The following PANK4 variants were observed in gnomAD, a reference collection of about 807,000 sequenced individuals.
The protein encoded by PANK4 is 4'-phosphopantetheine phosphatase.
A neutral mutation model predicts 87.9 loss-of-function variants in PANK4; 40 were observed. The observed-to-expected ratio is 0.46, with a 90% CI of 0.35 to 0.59. PANK4 has a LOEUF of 0.59. Ranked by LOEUF, PANK4 falls within the 20% of genes least tolerant of loss-of-function variation. PANK4 has a pLI of 0.00. For missense variants in PANK4, 926 were observed against 1,072.3 expected (o/e 0.86, Z 1.90); for synonymous variants, 524 against 467.4 (o/e 1.12, Z -1.56).
Position 2,515,108 on chromosome 1 carries a change from G to C in PANK4, c.1374+454C>G, listed in dbSNP as rs1187731367. The C allele has an allele frequency of 2.8e-6, 1 of 359,748 alleles. No individual in the cohort carries two copies. Among genetic ancestry groups the C allele is most frequent in the East Asian group, 7.4e-5 (1 of 13,554 alleles). 22.3% of individuals were successfully genotyped at this position (359,748 alleles called of 1,614,324 possible). On this transcript the variant is annotated intron_variant, in intron 10 of 18. Coordinates refer to ENST00000378466, the MANE Select transcript of PANK4 (RefSeq NM_018216.4). This position sits in a 1 kb window ranked among gnomAD's most constrained non-coding sequence, Gnocchi z 5.0. ...CTCCTGAGGGGCAGCGTGGCCCAGG[G>C]CCTGGCATTTGCTCCACGGGACCAG...
At chr1:2,517,486 C>T (rs943999829) in intron 9 of PANK4, among the ~76,000 whole-genome samples, 1 of 152,238 alleles carries the variant, frequency 6.6e-6, no homozygotes, top group Non-Finnish European at 1.5e-5. Flanking sequence ...AGGAATGAGC[C>T]CCGCGGGGGG....
At chr1:2,514,192 C>T (rs1643716043) in intron 11 of PANK4, 103 bp from the exon 12 acceptor site, 2 of 1,187,686 alleles carry the variant, frequency 1.7e-6, no homozygotes, top group Non-Finnish European at 2.5e-6. Flanking sequence ...CCCGGCAGTG[C>T]AAACGCTGCT....
rs1643640501 is a variant in PANK4, at chr1:2,510,356, CAGAGCTGAGTTT to C, written c.1939-211_1939-200del. On this transcript the variant is annotated intron_variant, in intron 16 of 18. Transcript: ENST00000378466. This position sits in a 1 kb window ranked among gnomAD's most constrained non-coding sequence, Gnocchi z 4.9. ...CCTGGGAGGGAGCTGAGCCGAGGGG[CAGAGCTGAGTTT>C]AGAGCCTGCCCCTGGGACCTGCCTG... The C allele has an allele frequency of 1.3e-5, 8 of 608,124 alleles. No individual in the cohort carries two copies. In the South Asian group the frequency reaches 1.5e-4, roughly 12 times the overall value. The allele number at this position is 608,124 out of a possible 1,614,324, so 37.7% of individuals were successfully genotyped here. A position where few individuals can be genotyped will look rare whatever the true frequency, so the allele number is the denominator to read the frequency against.
intron 10 of PANK4, among the ~76,000 whole-genome samples, chr1:2,514,720 G>A (rs111946660): frequency 6.6e-6 from 1 of 150,654 alleles, no homozygotes; most frequent in Admixed American, 6.6e-5. Flanking sequence ...CTCGGGCAGG[G>A]TGGGGGCTGC....
chr1:2,524,833 T>A (rs1643906986), intron 1 of PANK4, among the ~76,000 whole-genome samples: 1 of 152,230 alleles, frequency 6.6e-6, no homozygotes, highest in Non-Finnish European at 1.5e-5. Flanking sequence ...GCACACGCTC[T>A]ACCGGGCCTC....
At chr1:2,514,575 T>G (rs1570537242) in intron 10 of PANK4, 109 bp from the exon 11 acceptor site, 3 of 217,306 alleles carry the variant, frequency 1.4e-5, no homozygotes, top group East Asian at 1.2e-4. Flanking sequence ...CGTGGGGGAC[T>G]GTCTGGGGCA....
chr1:2,520,208 G>T lies in PANK4; in HGVS notation c.699+114C>A. 1 of 993,050 alleles carries T rather than the reference G, an allele frequency of 1.0e-6. No individual in the cohort carries two copies. The highest frequency in any genetic ancestry group is 1.6e-6 in the Non-Finnish European group (1 of 638,558). The allele number at this position is 993,050 out of a possible 1,614,324, so 61.5% of individuals were successfully genotyped here. A position where few individuals can be genotyped will look rare whatever the true frequency, so the allele number is the denominator to read the frequency against. On this transcript the variant is annotated intron_variant, in intron 5 of 18. Transcript: ENST00000378466. This position sits in a 1 kb window ranked among gnomAD's most constrained non-coding sequence, Gnocchi z 6.2. The stretch of plus-strand genomic sequence containing the variant: ...GCAGAGGCCAGAGACCCACTGACGC[G>T]AGTCAGGAGGGAGGCCCGGAAGCAG...
At position 2,510,583 on chromosome 1, in the gene PANK4, A is replaced by C; in HGVS notation, c.1938+95T>G. On this transcript the variant is annotated intron_variant, in intron 16 of 18. Transcript: ENST00000378466. This position sits in a 1 kb window ranked among gnomAD's most constrained non-coding sequence, Gnocchi z 4.9. Reference sequence around the variant, plus strand: ...TGCACCTACCTGCTGCGTCCGGAGGAGCCCCGACCACCGCCAGAGGCCCAC... The same window carrying C: ...TGCACCTACCTGCTGCGTCCGGAGGCGCCCCGACCACCGCCAGAGGCCCAC... The C allele has an allele frequency of 1.3e-6, 1 of 751,416 alleles. No individual in the cohort carries two copies. Among genetic ancestry groups the C allele is most frequent in the Non-Finnish European group, 2.3e-6 (1 of 428,934 alleles). 46.5% of individuals were successfully genotyped at this position (751,416 alleles called of 1,614,324 possible).
chr1:2,518,302 G>A (rs1233878292), intron 8 of PANK4, 38 bp from the exon 9 acceptor site: 10 of 1,433,994 alleles, frequency 7.0e-6, no homozygotes, highest in African/African-American at 4.2e-5. Context: ...TGTTAACCTT[G>A]CCCTTGATTC....
chr1:2,519,810 C>T lies in PANK4; in HGVS notation c.844G>A (p.Ala282Thr), dbSNP rs778869592. 1.5e-5 allele frequency: 23 copies of T among 1,577,962 alleles called. No individual in the cohort carries two copies. Among genetic ancestry groups the T allele is most frequent in the Non-Finnish European group, 1.5e-5 (18 of 1,163,372 alleles). ...IASSFGKSAT[A>T]DQEFSKEDMA... Reference sequence around the variant, plus strand: ...AGGCCGGGGTGAGCACCTTGGTCGGCGGTGGCCGACTTCCCGAAGCTGCTG... The same window carrying T: ...AGGCCGGGGTGAGCACCTTGGTCGGTGGTGGCCGACTTCCCGAAGCTGCTG... The change falls in exon 6 of 19, where the codon GCC (alanine) becomes ACC (threonine). Residue 282 changes from alanine (A) to threonine (T), a missense_variant. By Grantham distance (58) the Ala-to-Thr change is moderately conservative (BLOSUM62 0). Coordinates refer to ENST00000378466, the MANE Select transcript of PANK4 (RefSeq NM_018216.4). The surrounding 1 kb of genome is among the most constrained non-coding windows in gnomAD (Gnocchi z 8.3).
chr1:2,521,673 A>C (rs773540456), intron 2 of PANK4, 45 bp downstream of exon 2: 2 of 1,451,028 alleles, frequency 1.4e-6, no homozygotes, highest in Non-Finnish European at 1.9e-6. Flanking sequence ...CCAAGACGAC[A>C]GAGAAGCGGC....
intron 9 of PANK4, among the ~76,000 whole-genome samples, chr1:2,517,411 G>T (rs995375168): frequency 4.6e-5 from 7 of 152,194 alleles, no homozygotes; most frequent in African/African-American, 1.7e-4. Flanking sequence ...CAATGCCAGC[G>T]GCCTGTCCTG....
chr1:2,514,764 A>G (rs573706880), intron 10 of PANK4, among the ~76,000 whole-genome samples: 5 of 152,098 alleles, frequency 3.3e-5, no homozygotes, highest in South Asian at 4.2e-4. Context: ...CTACTGGAAC[A>G]GGAAAGGCTG....
At chr1:2,518,680 C>T in intron 7 of PANK4, 83 bp from the exon 8 acceptor site, 1 of 1,193,174 alleles carries the variant, frequency 8.4e-7, no homozygotes, top group Non-Finnish European at 1.2e-6. Context: ...GTGCGCGGGC[C>T]TCGCACCGCG....
Position 2,520,939 on chromosome 1 carries a change from T to C in PANK4, c.423-33A>G, listed in dbSNP as rs771665048. ...GGAAGCGCCAACCCCTTAAAGAGTC[T>C]GGGCCACAGACAGGTGCAACCATGC... On this transcript the variant is annotated intron_variant, in intron 3 of 18. Transcript: ENST00000378466. The surrounding 1 kb of genome is among the most constrained non-coding windows in gnomAD (Gnocchi z 6.2). The C allele has an allele frequency of 1.3e-6, 2 of 1,538,752 alleles. No individual in the cohort carries two copies. Among genetic ancestry groups the C allele is most frequent in the Non-Finnish European group, 1.8e-6 (2 of 1,142,640 alleles).
rs1026779704 is a variant in PANK4, at chr1:2,526,407, A to G, written c.124+57T>C. ...TCCCGCCGCCCCCGCTCGCCGGCCCACCGCCGGCGCCCCGCCCGCCCCCGC... is the reference window on the plus strand; with the variant it reads ...TCCCGCCGCCCCCGCTCGCCGGCCCGCCGCCGGCGCCCCGCCCGCCCCCGC... On this transcript the variant is annotated intron_variant, in intron 1 of 18. Coordinates refer to ENST00000378466, the MANE Select transcript of PANK4 (RefSeq NM_018216.4). The G allele has an allele frequency of 8.3e-6, 5 of 599,444 alleles. No individual in the cohort carries two copies. The African/African-American group carries it at 1.3e-4, about 16-fold the overall frequency. The allele number at this position is 599,444 out of a possible 1,614,324, so 37.1% of individuals were successfully genotyped here. A position where few individuals can be genotyped will look rare whatever the true frequency, so the allele number is the denominator to read the frequency against.
chr1:2,524,551 CT>C (rs1330353390), intron 1 of PANK4, among the ~76,000 whole-genome samples: 1 of 152,122 alleles, frequency 6.6e-6, no homozygotes, highest in Non-Finnish European at 1.5e-5. Context: ...TTAGAGTATC[CT>C]TCTACCAAGA....
In PANK4 at chr1:2,520,864, G is replaced by A; in HGVS notation, c.465C>T (p.Cys155=). The change falls in exon 4 of 19, where the codon TGC becomes TGT. Residue 155 remains cysteine, a synonymous_variant. Coordinates refer to ENST00000378466, the MANE Select transcript of PANK4 (RefSeq NM_018216.4). This position sits in a 1 kb window ranked among gnomAD's most constrained non-coding sequence, Gnocchi z 6.2. ...GGGGGATGTTCTTGAGCACGAAGTTGCACCCCTTAATCAGGCACGTCATCA... is the reference window on the plus strand; with the variant it reads ...GGGGGATGTTCTTGAGCACGAAGTTACACCCCTTAATCAGGCACGTCATCA... The part of the protein sequence containing the change: ...EDVMTCLIKG[C]NFVLKNIPHE... 6.3e-7 allele frequency: 1 copy of A among 1,578,634 alleles called. No homozygotes were observed. The highest frequency in any genetic ancestry group is 8.6e-7 in the Non-Finnish European group (1 of 1,162,906).
At position 2,509,145 on chromosome 1, in the gene PANK4, T is replaced by C; in HGVS notation, c.2109-85A>G. 1 of 1,036,622 alleles carries C rather than the reference T, an allele frequency of 9.6e-7. No homozygotes were observed. 64.2% of individuals were successfully genotyped at this position (1,036,622 alleles called of 1,614,324 possible). On this transcript the variant is annotated intron_variant, in intron 18 of 18. Coordinates refer to ENST00000378466, the MANE Select transcript of PANK4 (RefSeq NM_018216.4). The surrounding 1 kb of genome is among the most constrained non-coding windows in gnomAD (Gnocchi z 4.9). ...ACAGTGCGGCGACCAACGTGAAGGC[T>C]GAAACCCCTACCGCTCAATTCCCTG... is the stretch of plus-strand genomic sequence containing the variant.
Sources: allele counts gnomAD v4.1 joint callset (sites outside exome capture counted in the v4.1 genomes callset), GRCh38; gene constraint gnomAD v4.1.1; non-coding constraint Gnocchi (gnomAD v3.1); transcripts MANE v1.5; gene names NCBI Gene and HGNC (gene_info 2026-07-23, HGNC 2026-07-21).